The following AFF2 variants were observed in gnomAD, a reference collection of about 807,000 sequenced individuals.
The protein encoded by AFF2 is ALF transcription elongation factor 2.
AFF2 carries 14 observed loss-of-function variants against 76.9 expected under a neutral mutation model. The observed-to-expected ratio is 0.18, with a 90% confidence interval of 0.12 to 0.28. The LOEUF is 0.28. Among genes scored for constraint, AFF2 ranks in the 10% least tolerant of loss-of-function variants. The pLI is 1.00. For missense variants in AFF2, 868 were observed against 1,001.1 expected (o/e 0.87, Z 1.79); for synonymous variants, 398 against 366.7 (o/e 1.09, Z -0.98).
At position 148,833,257 on chromosome X, in the gene AFF2, A is replaced by T. The variant is rs1350322854; in HGVS notation, c.1087-4390A>T. ...TCATTCCCCTCTCAAGGTGATTCGC[A>T]TGTCAGGCAGTGAACGCTTCAAAAA... On this transcript the variant is annotated intron_variant, in intron 4 of 20. Coordinates refer to ENST00000370460, the MANE Select transcript of AFF2 (RefSeq NM_002025.4). Among the ~76,000 whole-genome samples, 4 of 111,538 alleles carry T rather than the reference A, an allele frequency of 3.6e-5. No homozygotes were observed. In the East Asian group the frequency reaches 8.5e-4, roughly 24 times the overall value.
chrX:148,655,225 G>T (rs1296182523), intron 2 of AFF2, among the ~76,000 whole-genome samples: 5 of 110,371 alleles, frequency 4.5e-5, no homozygotes, highest in African/African-American at 1.6e-4. Flanking sequence ...GTGGGGCAGG[G>T]CCTATTGTGT....
chrX:148,808,062 G>T (rs1344079137), intron 3 of AFF2, among the ~76,000 whole-genome samples: 7 of 112,181 alleles, frequency 6.2e-5, no homozygotes, highest in African/African-American at 2.3e-4. Context: ...TTTTAGACAG[G>T]TGTCTCACAG....
intron 7 of AFF2, among the ~76,000 whole-genome samples, chrX:148,859,960 C>A (rs2124048117): frequency 9.0e-6 from 1 of 111,515 alleles, no homozygotes; most frequent in Admixed American, 9.6e-5. Flanking sequence ...CTAATGCTAT[C>A]CCATGCACTT....
intron 1 of AFF2, among the ~76,000 whole-genome samples, chrX:148,649,754 TCTC>T (rs1394606617): frequency 8.9e-6 from 1 of 111,806 alleles, no homozygotes; most frequent in Non-Finnish European, 1.9e-5. Flanking sequence ...TTCCTTTTCT[TCTC>T]CTTCTCCTTT....
At chrX:148,568,056 A>G (rs976555544) in intron 1 of AFF2, among the ~76,000 whole-genome samples, 44 of 110,928 alleles carry the variant, frequency 4.0e-4, no homozygotes, top group Non-Finnish European at 5.7e-4. Flanking sequence ...TGCTGGAAAT[A>G]CCTGGTTCCT....
intron 5 of AFF2, among the ~76,000 whole-genome samples, chrX:148,840,835 A>C (rs1487805723): frequency 8.9e-6 from 1 of 112,333 alleles, no homozygotes; most frequent in Non-Finnish European, 1.9e-5. Flanking sequence ...GTAGTTTAAG[A>C]AATGTGAAAT....
chrX:148,554,878 A>G lies in AFF2; in HGVS notation c.47+53734A>G, dbSNP rs782541615. On this transcript the variant is annotated intron_variant, in intron 1 of 20. Coordinates refer to ENST00000370460, the MANE Select transcript of AFF2 (RefSeq NM_002025.4). ...ATGGGAGAATGGATGGATGCCCAAG[A>G]CGCTGGCAGAGTCAGTCTGGCTATT... Among the ~76,000 whole-genome samples the G allele has an allele frequency of 3.6e-5, 4 of 112,458 alleles. No homozygotes were observed. In the East Asian group the frequency reaches 1.1e-3, roughly 32 times the overall value.
At chrX:148,593,966 C>G (rs1339439498) in intron 1 of AFF2, among the ~76,000 whole-genome samples, 1 of 111,150 alleles carries the variant, frequency 9.0e-6, no homozygotes, top group African/African-American at 3.3e-5. Context: ...TGACCACTAC[C>G]AAAACAATTT....
At chrX:148,766,011 A>C (rs1415019591) in intron 3 of AFF2, among the ~76,000 whole-genome samples, 1 of 110,088 alleles carries the variant, frequency 9.1e-6, no homozygotes, top group Non-Finnish European at 1.9e-5. Flanking sequence ...AATTTCATCC[A>C]TGTCTCTACA....
Position 148,998,167 on chromosome X carries a change from T to A in AFF2, c.*6835T>A, listed in dbSNP as rs781952148. The A allele has an allele frequency of 9.0e-6, 1 of 111,655 alleles. No homozygotes were observed. The highest frequency in any genetic ancestry group is 3.8e-4 in the South Asian group (1 of 2,646). 9.2% of individuals were successfully genotyped at this position (111,655 alleles called of 1,213,427 possible). A position where few individuals can be genotyped will look rare whatever the true frequency, so the allele number is the denominator to read the frequency against. ...CTCCCCTTTTGCCCACTTGGTTAGA[T>A]GAGTGATATATTCTTTGGATCCTGC... On this transcript the variant is annotated 3_prime_UTR_variant, in exon 21 of 21. Transcript: ENST00000370460.
intron 3 of AFF2, among the ~76,000 whole-genome samples, chrX:148,778,824 G>A (rs2069702430): frequency 9.0e-6 from 1 of 110,925 alleles, no homozygotes; most frequent in Admixed American, 9.5e-5. Flanking sequence ...TTATTTTTTT[G>A]AAGGGTTTTT....
rs191499895 is a variant in AFF2 at position 148,586,247 on chromosome X, A to G, written c.48-65752A>G. Among the ~76,000 whole-genome samples the G allele has an allele frequency of 3.9e-3, 438 of 111,749 alleles. 2 individuals carry two copies. Among genetic ancestry groups the G allele is most frequent in the South Asian group, 0.031 (81 of 2,622 alleles). On this transcript the variant is annotated intron_variant, in intron 1 of 20. Transcript: ENST00000370460. ...AATTATAGGTTTATACATACTTGGA[A>G]AAACTTCTTTACCTCACTTCCAGAA... is the stretch of plus-strand genomic sequence containing the variant.
chrX:148,641,962 T>C (rs1293022269), intron 1 of AFF2, among the ~76,000 whole-genome samples: 2 of 112,316 alleles, frequency 1.8e-5, no homozygotes, highest in East Asian at 5.6e-4. Flanking sequence ...TGAGGTACTG[T>C]GCATGAGAAT....
At chrX:148,611,113 G>A (rs924239271) in intron 1 of AFF2, among the ~76,000 whole-genome samples, 1 of 111,821 alleles carries the variant, frequency 8.9e-6, no homozygotes, top group Non-Finnish European at 1.9e-5. Context: ...ATGATGTGAC[G>A]GTTAAATGGA....
intron 1 of AFF2, among the ~76,000 whole-genome samples, chrX:148,553,254 A>G (rs1557239203): frequency 8.9e-6 from 1 of 112,024 alleles, no homozygotes; most frequent in East Asian, 2.8e-4. Context: ...TCCAATAGCA[A>G]TATAATACAA....
At chrX:148,609,861 T>C (rs919736074) in intron 1 of AFF2, among the ~76,000 whole-genome samples, 5 of 111,727 alleles carry the variant, frequency 4.5e-5, no homozygotes, top group Non-Finnish European at 7.6e-5. Context: ...CCTGCTTCCT[T>C]GGCAAGGCAG....
At chrX:148,723,311 C>T (rs1742408845) in intron 3 of AFF2, among the ~76,000 whole-genome samples, 2 of 111,789 alleles carry the variant, frequency 1.8e-5, no homozygotes, top group Admixed American at 1.9e-4. Flanking sequence ...ATCTCTTCTA[C>T]CACATACAAA....
At chrX:148,636,612 T>C (rs782223269) in intron 1 of AFF2, among the ~76,000 whole-genome samples, 17 of 112,101 alleles carry the variant, frequency 1.5e-4, no homozygotes, top group Non-Finnish European at 2.3e-4. Context: ...GCTTGAACAG[T>C]ATGTGTTAAT....
chrX:148,898,602 A>G (rs2071320937), intron 8 of AFF2, among the ~76,000 whole-genome samples: 1 of 111,855 alleles, frequency 8.9e-6, no homozygotes, highest in South Asian at 3.8e-4. Context: ...TTCGGAGTGT[A>G]AACAAGAGCC....
Sources: allele counts gnomAD v4.1 joint callset (sites outside exome capture counted in the v4.1 genomes callset), GRCh38; gene constraint gnomAD v4.1.1; transcripts MANE v1.5; gene names NCBI Gene and HGNC (gene_info 2026-07-23, HGNC 2026-07-21).